The following PDE11A variants were observed in gnomAD, a reference collection of about 807,000 sequenced individuals.
PDE11A encodes the protein phosphodiesterase 11A.
PDE11A carries 100 observed loss-of-function variants against 100.5 expected under a neutral mutation model. The ratio of observed to expected loss-of-function variants is 1.00; its 90% CI spans 0.85 to 1.18. The LOEUF (loss-of-function observed/expected upper bound fraction) is 1.18, where lower values mean the gene tolerates loss of function less well. PDE11A is among the 50% of genes most tolerant of loss of function. The pLI is 0.00. For missense variants in PDE11A, 1,141 were observed against 1,152.6 expected, an observed-to-expected ratio of 0.99 and a Z score of 0.15; for synonymous variants, 381 against 420.8, an observed-to-expected ratio of 0.91 and a Z score of 1.16.
intron 10 of PDE11A, among the ~76,000 whole-genome samples, chr2:177,743,765 A>G (rs2081908903): frequency 6.6e-6 from 1 of 152,218 alleles, no homozygotes; most frequent in Admixed American, 6.5e-5. Flanking sequence ...GGGAAAAGGT[A>G]GGGAGTGGGG....
chr2:177,628,385 G>T lies in PDE11A; in HGVS notation c.*1022C>A, dbSNP rs1265247541. On this transcript the variant is annotated 3_prime_UTR_variant, in exon 20 of 20. Coordinates refer to ENST00000286063, the MANE Select transcript of PDE11A (RefSeq NM_016953.4). ...TTTATTCTTACCTATTGTAAACCTG[G>T]CTTCCTATAGAATATGCGTTCTTTG... 6.6e-6 allele frequency: 1 copy of T among 152,564 alleles called. No individual in the cohort carries two copies. The highest frequency in any genetic ancestry group is 2.4e-5 in the African/African-American group (1 of 41,414). The allele number at this position is 152,564 out of a possible 1,614,324, so 9.5% of individuals were successfully genotyped here.
intron 15 of PDE11A, among the ~76,000 whole-genome samples, chr2:177,688,920 C>G (rs949261088): frequency 6.6e-6 from 1 of 152,160 alleles, no homozygotes; most frequent in Non-Finnish European, 1.5e-5. Context: ...ACATTTTAAT[C>G]ATGAAATTTT....
intron 5 of PDE11A, among the ~76,000 whole-genome samples, chr2:177,852,548 A>AT (rs1314432787): frequency 6.6e-6 from 1 of 152,084 alleles, no homozygotes; most frequent in East Asian, 1.9e-4. Context: ...CAGCTGTGCA[A>AT]TGCTTTTTGA....
At chr2:177,806,727 G>C (rs1415881831) in intron 9 of PDE11A, among the ~76,000 whole-genome samples, 1 of 151,900 alleles carries the variant, frequency 6.6e-6, no homozygotes, top group African/African-American at 2.4e-5. Context: ...TAAAGACCAA[G>C]AATACGAAAT....
chr2:177,749,721 C>A (rs1480349867), intron 10 of PDE11A, among the ~76,000 whole-genome samples: 1 of 152,052 alleles, frequency 6.6e-6, no homozygotes, highest in African/African-American at 2.4e-5. Context: ...AATGGTAATA[C>A]AAATTATTAT....
At chr2:177,691,677 G>A (rs2081042429) in intron 15 of PDE11A, among the ~76,000 whole-genome samples, 1 of 151,960 alleles carries the variant, frequency 6.6e-6, no homozygotes, top group Non-Finnish European at 1.5e-5. Flanking sequence ...TGTACTGTGG[G>A]GTTAATGAGA....
chr2:177,821,626 T>C (rs930605786), intron 6 of PDE11A, among the ~76,000 whole-genome samples: 11 of 151,870 alleles, frequency 7.2e-5, no homozygotes, highest in Admixed American at 6.6e-4. Context: ...TCACCAACAT[T>C]TGATGTTGTC....
intron 2 of PDE11A, among the ~76,000 whole-genome samples, chr2:178,096,096 C>T (rs1481087735): frequency 6.6e-6 from 1 of 152,028 alleles, no homozygotes. Flanking sequence ...TGGCAATTAA[C>T]TCCTTGTTAC....
intron 10 of PDE11A, among the ~76,000 whole-genome samples, chr2:177,739,606 C>T (rs1327084694): frequency 1.3e-5 from 2 of 152,172 alleles, no homozygotes; most frequent in Admixed American, 1.3e-4. Flanking sequence ...AATTTCCCAT[C>T]CTGTGCATCA....
intron 2 of PDE11A, among the ~76,000 whole-genome samples, chr2:177,970,196 A>C (rs1041900450): frequency 6.6e-6 from 1 of 152,182 alleles, no homozygotes; most frequent in Non-Finnish European, 1.5e-5. Context: ...TTCAAATGCC[A>C]TGCTAAAAAG....
At chr2:177,753,723 C>T (rs896729067) in intron 10 of PDE11A, among the ~76,000 whole-genome samples, 40 of 151,378 alleles carry the variant, frequency 2.6e-4, no homozygotes, top group Admixed American at 1.6e-3. Context: ...TCACTTTCCA[C>T]GGAGGCCCTC....
chr2:177,883,251 C>T (rs2084375307), intron 4 of PDE11A, among the ~76,000 whole-genome samples: 1 of 144,910 alleles, frequency 6.9e-6, no homozygotes, highest in South Asian at 2.2e-4. Context: ...CTAAGTGACA[C>T]AGCAAGACTC....
At chr2:177,940,164 G>A (rs2085329513) in intron 2 of PDE11A, among the ~76,000 whole-genome samples, 1 of 152,084 alleles carries the variant, frequency 6.6e-6, no homozygotes, top group South Asian at 2.1e-4. Context: ...ACAACTGGGG[G>A]ATGGGTTTAC....
At chr2:177,686,080 C>A (rs1482993809) in intron 15 of PDE11A, among the ~76,000 whole-genome samples, 1 of 152,120 alleles carries the variant, frequency 6.6e-6, no homozygotes, top group South Asian at 2.1e-4. Context: ...GTGAGAGGAG[C>A]CTTTTCATTG....
chr2:177,745,284 C>T (rs545168476), intron 10 of PDE11A, among the ~76,000 whole-genome samples: 1 of 152,262 alleles, frequency 6.6e-6, no homozygotes, highest in South Asian at 2.1e-4. Context: ...GGGTATAAAA[C>T]ACAGTGGCCA....
At chr2:177,860,991 G>A (rs2083935512) in intron 5 of PDE11A, among the ~76,000 whole-genome samples, 1 of 151,690 alleles carries the variant, frequency 6.6e-6, no homozygotes, top group African/African-American at 2.4e-5. Context: ...CACAGTAATG[G>A]TAAAAGACTG....
chr2:177,740,458 C>T (rs2081856286), intron 10 of PDE11A, among the ~76,000 whole-genome samples: 1 of 152,154 alleles, frequency 6.6e-6, no homozygotes, highest in African/African-American at 2.4e-5. Flanking sequence ...TATAGTATTC[C>T]ATTTAATCCT....
chr2:177,944,731 T>C (rs888492130), intron 2 of PDE11A, among the ~76,000 whole-genome samples: 6 of 151,892 alleles, frequency 4.0e-5, no homozygotes, highest in Admixed American at 1.3e-4. Flanking sequence ...AGGTGCGGGC[T>C]GTGAGAGAGG....
chr2:177,664,424 T>C (rs1044068597), intron 18 of PDE11A, among the ~76,000 whole-genome samples: 1 of 152,198 alleles, frequency 6.6e-6, no homozygotes, highest in African/African-American at 2.4e-5. Context: ...GGGTAGGGGT[T>C]GATTTGGCAA....
Sources: allele counts gnomAD v4.1 joint callset (sites outside exome capture counted in the v4.1 genomes callset), GRCh38; gene constraint gnomAD v4.1.1; transcripts MANE v1.5; gene names NCBI Gene and HGNC (gene_info 2026-07-23, HGNC 2026-07-21).